PHIP: variants seen among roughly 807,000 people sequenced by gnomAD.
PHIP encodes the protein PH-interacting protein.
PHIP carries 54 observed loss-of-function variants against 236.8 expected under a neutral mutation model. The ratio of observed to expected loss-of-function variants is 0.23; its 90% CI spans 0.18 to 0.29. PHIP has a LOEUF of 0.29. Among genes scored for constraint, PHIP ranks in the 10% least tolerant of loss-of-function variants. PHIP has a pLI of 1.00. For missense variants in PHIP, 1,370 were observed against 2,190.8 expected, an observed-to-expected ratio of 0.63 and a Z score of 7.48; for synonymous variants, 756 against 718.9, an observed-to-expected ratio of 1.05 and a Z score of -0.83.
At chr6:79,062,195 C>G (rs1338585521) in intron 4 of PHIP, among the ~76,000 whole-genome samples, 1 of 152,160 alleles carries the variant, frequency 6.6e-6, no homozygotes, top group Non-Finnish European at 1.5e-5. Flanking sequence ...AAAAAGCACA[C>G]TGACATTGAA....
intron 23 of PHIP, among the ~76,000 whole-genome samples, chr6:78,980,321 TG>T (rs1768430245): frequency 6.6e-6 from 1 of 151,916 alleles, no homozygotes. Flanking sequence ...GGAAGACACA[TG>T]AGATGCTACC....
intron 6 of PHIP, among the ~76,000 whole-genome samples, chr6:79,059,179 A>G (rs1237328414): frequency 6.6e-6 from 1 of 152,096 alleles, no homozygotes; most frequent in African/African-American, 2.4e-5. Context: ...AAACATGTAA[A>G]ACATAGAAGA....
intron 17 of PHIP, among the ~76,000 whole-genome samples, chr6:79,000,141 T>G (rs1406509752): frequency 6.6e-6 from 1 of 152,052 alleles, no homozygotes; most frequent in East Asian, 1.9e-4. Context: ...TGAAAAGAAT[T>G]TTGCTTTTGT....
chr6:78,998,456 A>T (rs1298199872), intron 17 of PHIP, 65 bp from the exon 18 acceptor site: 5 of 1,336,158 alleles, frequency 3.7e-6, no homozygotes, highest in Non-Finnish European at 5.3e-6. Flanking sequence ...TTACTCACCA[A>T]CCTCACTTAT....
intron 30 of PHIP, 58 bp downstream of exon 30, chr6:78,963,039 T>G: frequency 6.8e-7 from 1 of 1,473,104 alleles, no homozygotes; most frequent in African/African-American, 1.4e-5. Flanking sequence ...ATAACAGTAT[T>G]TTTCCATTAC....
chr6:78,977,939 A>G (rs116170535), intron 24 of PHIP, among the ~76,000 whole-genome samples: 55 of 152,244 alleles, frequency 3.6e-4, no homozygotes, highest in African/African-American at 1.3e-3. Flanking sequence ...CTCTATTTTA[A>G]TTCCCAATTT....
chr6:79,025,621 T>C lies in PHIP; in HGVS notation c.823-2A>G, dbSNP rs767357202. The C allele has an allele frequency of 6.4e-7, 1 of 1,562,328 alleles. No homozygotes were observed. Among genetic ancestry groups the C allele is most frequent in the Non-Finnish European group, 8.8e-7 (1 of 1,138,944 alleles). On this transcript the variant is annotated splice_acceptor_variant, in intron 8 of 39. Coordinates refer to ENST00000275034, the MANE Select transcript of PHIP (RefSeq NM_017934.7). LOFTEE classifies it high-confidence loss of function. ...TGAGCCACTGCACAATGGTGAGAAC[T>C]GAAAAGACAATCACAGAAAAAAAAT...
At chr6:79,039,234 T>C (rs562111475) in intron 7 of PHIP, among the ~76,000 whole-genome samples, 184 of 152,322 alleles carry the variant, frequency 1.2e-3, no homozygotes, top group African/African-American at 4.3e-3. Context: ...AGTATCTTGA[T>C]TTTGTACCAC....
chr6:79,014,170 C>T (rs923075308), intron 15 of PHIP, among the ~76,000 whole-genome samples: 1 of 151,598 alleles, frequency 6.6e-6, no homozygotes, highest in Non-Finnish European at 1.5e-5. Context: ...TGCTTACTCA[C>T]GACATAGAAA....
intron 7 of PHIP, among the ~76,000 whole-genome samples, chr6:79,040,920 T>A (rs1772179651): frequency 6.6e-6 from 1 of 152,074 alleles, no homozygotes; most frequent in Non-Finnish European, 1.5e-5. Flanking sequence ...TATAAAATAG[T>A]ACAGTGCTAC....
At position 79,060,651 on chromosome 6, in the gene PHIP, T is replaced by C. The variant is rs377609374; in HGVS notation, c.340+17A>G. ...TGAGATAAATAATGTCTAAATCCTA[T>C]GAGAAAATTTTCATACTTTTATTTG... On this transcript the variant is annotated intron_variant, in intron 5 of 39. Coordinates refer to ENST00000275034, the MANE Select transcript of PHIP (RefSeq NM_017934.7). The C allele has an allele frequency of 2.4e-5, 38 of 1,609,760 alleles. No homozygotes were observed. In the African/African-American group the frequency reaches 3.5e-4, roughly 15 times the overall value.
Position 79,078,137 on chromosome 6 carries a change from C to T in PHIP, c.-69G>A, listed in dbSNP as rs928337671. On this transcript the variant is annotated 5_prime_UTR_variant, in exon 1 of 40. Coordinates refer to ENST00000275034, the MANE Select transcript of PHIP (RefSeq NM_017934.7). Reference sequence around the variant, plus strand: ...CGAGGGGAAGCGGGGACGGTGCCGCCGCCTGCCCTATAGCTGTCAGTGTGT... The same window carrying T: ...CGAGGGGAAGCGGGGACGGTGCCGCTGCCTGCCCTATAGCTGTCAGTGTGT... The T allele has an allele frequency of 6.6e-7, 1 of 1,507,480 alleles. No individual in the cohort carries two copies. Among genetic ancestry groups the T allele is most frequent in the Non-Finnish European group, 9.1e-7 (1 of 1,093,678 alleles). 93.4% of individuals were successfully genotyped at this position (1,507,480 alleles called of 1,614,324 possible).
At chr6:78,989,834 G>A (rs1769105626) in intron 20 of PHIP, among the ~76,000 whole-genome samples, 1 of 151,842 alleles carries the variant, frequency 6.6e-6, no homozygotes. Context: ...ATGCAAAAAA[G>A]GTACGCTTTC....
intron 7 of PHIP, among the ~76,000 whole-genome samples, chr6:79,029,535 T>C (rs1446241191): frequency 6.6e-6 from 1 of 152,208 alleles, no homozygotes; most frequent in Admixed American, 6.5e-5. Flanking sequence ...ATTTATACAT[T>C]TCCTTATTTA....
At position 79,023,886 on chromosome 6, in the gene PHIP, T is replaced by G. The variant is rs550670851; in HGVS notation, c.923+1633A>C. On this transcript the variant is annotated intron_variant, in intron 9 of 39. Transcript: ENST00000275034. ...CAATTTGAACATTGCTAATCACTTT[T>G]TCTTCTCTAAAACAATAAGACAGGA... Among the ~76,000 whole-genome samples the G allele has an allele frequency of 3.9e-5, 6 of 152,332 alleles. No individual in the cohort carries two copies. In the South Asian group the frequency reaches 1.2e-3, roughly 32 times the overall value.
chr6:78,943,110 G>T (rs1391598262), intron 39 of PHIP, among the ~76,000 whole-genome samples: 1 of 151,884 alleles, frequency 6.6e-6, no homozygotes. Flanking sequence ...GATATAATGG[G>T]ATAAATAAAA....
chr6:79,073,453 T>C (rs1318545139), intron 4 of PHIP, among the ~76,000 whole-genome samples: 1 of 152,160 alleles, frequency 6.6e-6, no homozygotes, highest in African/African-American at 2.4e-5. Flanking sequence ...ACTACACACA[T>C]TTACTTTATT....
chr6:79,017,705 T>C (rs1770901046), intron 10 of PHIP, 122 bp from the exon 11 acceptor site: 1 of 645,608 alleles, frequency 1.5e-6, no homozygotes, highest in Non-Finnish European at 2.7e-6. Flanking sequence ...TCCAAAACCA[T>C]TCACATTTAT....
Position 78,970,754 on chromosome 6 carries a change from C to T in PHIP, c.2997+27G>A, listed in dbSNP as rs761403901. ...AAATTCCATAATTGTATTTTTGGGGCTATTAAATAATAAATCAATGTCATA... is the reference window on the plus strand; with the variant it reads ...AAATTCCATAATTGTATTTTTGGGGTTATTAAATAATAAATCAATGTCATA... On this transcript the variant is annotated intron_variant, in intron 25 of 39. Coordinates refer to ENST00000275034, the MANE Select transcript of PHIP (RefSeq NM_017934.7). 1.4e-5 allele frequency: 19 copies of T among 1,365,184 alleles called. No homozygotes were observed. In the East Asian group the frequency reaches 2.5e-4, roughly 18 times the overall value. The allele number at this position is 1,365,184 out of a possible 1,614,324, so 84.6% of individuals were successfully genotyped here. A position where few individuals can be genotyped will look rare whatever the true frequency, so the allele number is the denominator to read the frequency against.
Sources: gnomAD v4.1 joint callset for allele counts (sites outside exome capture counted in the v4.1 genomes callset) on GRCh38, gnomAD v4.1.1 for gene constraint, MANE v1.5 for transcripts, NCBI Gene and HGNC (gene_info 2026-07-23, HGNC 2026-07-21) for gene names.